Variants in ACTR3 observed in about 807,000 individuals in gnomAD.
ACTR3 encodes actin-related protein 3.
A neutral mutation model predicts 56.8 loss-of-function variants in ACTR3; 12 were observed. That is an observed-to-expected ratio of 0.21 (90% confidence interval 0.14 to 0.34). The LOEUF is 0.34. ACTR3 is among the 10% of genes least tolerant of loss of function. ACTR3 has a pLI of 1.00. For synonymous variants in ACTR3, 162 were observed against 167.4 expected, an observed-to-expected ratio of 0.97 and a Z score of 0.25; for missense variants, 282 against 512.5, an observed-to-expected ratio of 0.55 and a Z score of 4.34.
chr2:113,900,134 T>A (rs567439884), intron 1 of ACTR3, among the ~76,000 whole-genome samples: 1 of 152,290 alleles, frequency 6.6e-6, no homozygotes, highest in South Asian at 2.1e-4. Context: ...AGTGTGTAAT[T>A]GAGTAGTTTT....
intron 1 of ACTR3, among the ~76,000 whole-genome samples, chr2:113,905,849 T>A (rs369942590): frequency 1.3e-5 from 2 of 151,794 alleles, no homozygotes; most frequent in South Asian, 4.1e-4. Flanking sequence ...TGAGGCTGAA[T>A]AATATTCCAT....
intron 1 of ACTR3, among the ~76,000 whole-genome samples, chr2:113,902,364 CT>C (rs879472838): frequency 0.012 from 1,670 of 143,930 alleles, 24 homozygotes; most frequent in African/African-American, 0.031. Context: ...AGTTGTTTTT[CT>C]TTTTTTTTTT....
chr2:113,927,514 T>C, intron 4 of ACTR3, 59 bp downstream of exon 4: 1 of 1,077,490 alleles, frequency 9.3e-7, no homozygotes, highest in East Asian at 2.4e-5. Flanking sequence ...ATGAGAACAT[T>C]TTCATCATAC....
At position 113,932,124 on chromosome 2, in the gene ACTR3, C is replaced by T. The variant is rs74498230; in HGVS notation, c.432+728C>T. On this transcript the variant is annotated intron_variant, in intron 5 of 11. Coordinates refer to ENST00000263238, the MANE Select transcript of ACTR3 (RefSeq NM_005721.5). ...CTTGGGATCACACTGGTTTTTGTAA[C>T]TCCACGGTACACAGAATCAATAAGT... 0.024 allele frequency among the ~76,000 whole-genome samples: 3,690 copies of T among 152,222 alleles called. 223 individuals are homozygous for T. The East Asian group carries it at 0.26, about 11-fold the overall frequency.
chr2:113,939,317 C>A (rs138479767), intron 6 of ACTR3, among the ~76,000 whole-genome samples: 1 of 152,244 alleles, frequency 6.6e-6, no homozygotes, highest in South Asian at 2.1e-4. Flanking sequence ...CCACCGCGCC[C>A]GGCCGAAAAC....
At chr2:113,951,919 T>C in intron 10 of ACTR3, 74 bp downstream of exon 10, 1 of 1,577,886 alleles carries the variant, frequency 6.3e-7, no homozygotes, top group South Asian at 1.2e-5. Flanking sequence ...TTTGCCAGCA[T>C]TCACTCTGAT....
chr2:113,907,555 T>C (rs1679218339), intron 1 of ACTR3, among the ~76,000 whole-genome samples: 2 of 152,208 alleles, frequency 1.3e-5, no homozygotes, highest in South Asian at 4.1e-4. Flanking sequence ...ACCCAGCTCA[T>C]GAATGACCTT....
chr2:113,947,779 A>G (rs1680047133), intron 8 of ACTR3, among the ~76,000 whole-genome samples: 1 of 152,084 alleles, frequency 6.6e-6, no homozygotes, highest in South Asian at 2.1e-4. Context: ...TTTTTCTATT[A>G]ATTTGAATAA....
upstream of ACTR3, chr2:113,890,058 G>A: frequency 1.7e-6 from 1 of 588,934 alleles, no homozygotes; most frequent in Non-Finnish European, 3.0e-6. Flanking sequence ...AGGCCGCGGC[G>A]GGGCAGGGCG....
chr2:113,937,526 A>G (rs1245488731), intron 6 of ACTR3, among the ~76,000 whole-genome samples: 1 of 152,168 alleles, frequency 6.6e-6, no homozygotes, highest in Non-Finnish European at 1.5e-5. Context: ...AACATTTCTT[A>G]TAGTGCTGAT....
chr2:113,917,856 C>T (rs1050789932), intron 3 of ACTR3, among the ~76,000 whole-genome samples: 7 of 152,166 alleles, frequency 4.6e-5, no homozygotes, highest in African/African-American at 7.2e-5. Context: ...AGAAGGGAAA[C>T]ACACACACAG....
At chr2:113,919,542 A>G (rs576366110) in intron 3 of ACTR3, among the ~76,000 whole-genome samples, 2 of 152,188 alleles carry the variant, frequency 1.3e-5, no homozygotes, top group East Asian at 3.9e-4. Context: ...GTTAAATGTA[A>G]GTCTGATTAG....
At chr2:113,951,292 T>A (rs1680116793) in intron 8 of ACTR3, 187 bp from the exon 9 acceptor site, 1 of 488,448 alleles carries the variant, frequency 2.0e-6, no homozygotes, top group Admixed American at 3.3e-5. Flanking sequence ...AGTTATAAAA[T>A]GGTATATATC....
In ACTR3 at chr2:113,907,654, A is replaced by G. The variant is rs534231474; in HGVS notation, c.45-5518A>G. Among the ~76,000 whole-genome samples, 170 of 152,278 alleles carry G rather than the reference A, an allele frequency of 1.1e-3. 1 individual carries two copies. Among genetic ancestry groups the G allele is most frequent in the African/African-American group, 3.9e-3 (164 of 41,554 alleles). ...TAGGATTTATAAATTCAAAGCAAAA[A>G]TTTATTTTGGAAAAGTAAGGTTAAA... On this transcript the variant is annotated intron_variant, in intron 1 of 11. Coordinates refer to ENST00000263238, the MANE Select transcript of ACTR3 (RefSeq NM_005721.5).
chr2:113,913,785 C>T (rs546820646), intron 2 of ACTR3, among the ~76,000 whole-genome samples: 1 of 152,144 alleles, frequency 6.6e-6, no homozygotes, highest in Non-Finnish European at 1.5e-5. Flanking sequence ...TTTTGTTAAT[C>T]TTGCTTAAGC....
chr2:113,934,233 T>G (rs757299134), intron 5 of ACTR3, 46 bp from the exon 6 acceptor site: 4 of 694,078 alleles, frequency 5.8e-6, no homozygotes, highest in East Asian at 4.2e-5. Context: ...TGTTTTTTTG[T>G]TTTTTTTTTT....
chr2:113,931,938 A>G (rs932416704), intron 5 of ACTR3, among the ~76,000 whole-genome samples: 10 of 151,748 alleles, frequency 6.6e-5, no homozygotes, highest in Non-Finnish European at 2.9e-5. Context: ...ACATAACACA[A>G]ATGCTTTATA....
chr2:113,894,046 G>A (rs565012569), intron 1 of ACTR3, among the ~76,000 whole-genome samples: 52 of 151,958 alleles, frequency 3.4e-4, no homozygotes, highest in African/African-American at 1.2e-3. Context: ...GGAAGTTCAT[G>A]TTTCTTCCAT....
rs1195107817 is a variant in ACTR3, at chr2:113,959,571, A to G, written c.*2116A>G. On this transcript the variant is annotated 3_prime_UTR_variant, in exon 12 of 12. Transcript: ENST00000263238. The stretch of plus-strand genomic sequence containing the variant: ...GCTTACGCTTAACTTATTTGGGGAA[A>G]CAAAACTCCAGCCCTTCTTGTGTAT... 2 of 152,060 alleles carry G rather than the reference A, an allele frequency of 1.3e-5. No homozygotes were observed. Among genetic ancestry groups the G allele is most frequent in the African/African-American group, 4.8e-5 (2 of 41,436 alleles). The allele number at this position is 152,060 out of a possible 1,614,324, so 9.4% of individuals were successfully genotyped here.
Sources: allele counts gnomAD v4.1 joint callset (sites outside exome capture counted in the v4.1 genomes callset), GRCh38; gene constraint gnomAD v4.1.1; transcripts MANE v1.5; gene names NCBI Gene and HGNC (gene_info 2026-07-23, HGNC 2026-07-21).